Variants in SEMA5A observed in about 807,000 individuals in gnomAD.
The protein encoded by SEMA5A is semaphorin-5A.
In SEMA5A, 55 loss-of-function variants were observed where a neutral mutation model predicts 135.5. That is an observed-to-expected ratio of 0.41 (90% CI 0.33 to 0.51). SEMA5A has a LOEUF of 0.51. Among genes scored for constraint, SEMA5A ranks in the 20% least tolerant of loss-of-function variants. The pLI is 0.37. For synonymous variants in SEMA5A, 580 were observed against 546.5 expected (o/e 1.06, Z -0.85); for missense variants, 1,290 against 1,419.9 (o/e 0.91, Z 1.47).
intron 6 of SEMA5A, among the ~76,000 whole-genome samples, chr5:9,230,609 GGAGT>G (rs1249137215): frequency 6.6e-6 from 1 of 152,158 alleles, no homozygotes; most frequent in Non-Finnish European, 1.5e-5. Flanking sequence ...TTCGCAGAAC[GGAGT>G]GAGTGTGTGG....
chr5:9,276,466 T>G (rs544828625), intron 5 of SEMA5A, among the ~76,000 whole-genome samples: 588 of 152,194 alleles, frequency 3.9e-3, no homozygotes, highest in Admixed American at 6.2e-3. Flanking sequence ...CTACTTTAAA[T>G]TTCATATGGA....
chr5:9,285,339 T>A (rs1404180752), intron 5 of SEMA5A, among the ~76,000 whole-genome samples: 2 of 152,204 alleles, frequency 1.3e-5, no homozygotes, highest in African/African-American at 4.8e-5. Context: ...CCTTTCCTTC[T>A]TCTGGAGAAA....
chr5:9,341,189 A>AACACACACAC (rs973334085), intron 3 of SEMA5A, among the ~76,000 whole-genome samples: 1 of 148,722 alleles, frequency 6.7e-6, no homozygotes, highest in African/African-American at 2.5e-5. Flanking sequence ...CACACATACA[A>AACACACACAC]ACACACACAC....
chr5:9,379,853 T>C lies in SEMA5A; in HGVS notation c.94A>G (p.Arg32Gly). 3 of 1,614,024 alleles carry C rather than the reference T, an allele frequency of 1.9e-6. No individual in the cohort carries two copies. In the East Asian group the frequency reaches 6.7e-5, roughly 36 times the overall value. ...TAGGAGATGACTGGATGCTCGGTTC[T>C]CTGGCACTGAGTCGTACCCTGGGCC... ...PEAQGTTQCQ[R>G]TEHPVISYKE... is the part of the protein sequence containing the mutation. The change falls in exon 3 of 23, where the codon AGA (arginine) becomes GGA (glycine). Residue 32 changes from arginine to glycine, a missense_variant. Coordinates refer to ENST00000382496, the MANE Select transcript of SEMA5A (RefSeq NM_003966.3).
intron 1 of SEMA5A, among the ~76,000 whole-genome samples, chr5:9,523,982 A>G (rs1736979479): frequency 6.6e-6 from 1 of 152,204 alleles, no homozygotes; most frequent in African/African-American, 2.4e-5. Context: ...GTCCCCACCC[A>G]AATCTCATGT....
intron 12 of SEMA5A, among the ~76,000 whole-genome samples, chr5:9,139,950 C>T (rs947765847): frequency 4.7e-5 from 7 of 148,696 alleles, no homozygotes; most frequent in African/African-American, 1.7e-4. Flanking sequence ...TTTTTCTCCT[C>T]CTCATAAACA....
At chr5:9,478,203 G>T (rs57545544) in intron 1 of SEMA5A, among the ~76,000 whole-genome samples, 164 of 152,376 alleles carry the variant, frequency 1.1e-3, no homozygotes, top group African/African-American at 3.7e-3. Context: ...TATTTCAGAG[G>T]ATGTATGGAA....
chr5:9,337,154 T>A (rs943417960), intron 4 of SEMA5A, among the ~76,000 whole-genome samples: 1 of 152,136 alleles, frequency 6.6e-6, no homozygotes, highest in Non-Finnish European at 1.5e-5. Flanking sequence ...CCTTAAGAGA[T>A]AAAGATAAAA....
At chr5:9,301,071 T>C (rs1472686317) in intron 5 of SEMA5A, among the ~76,000 whole-genome samples, 2 of 152,316 alleles carry the variant, frequency 1.3e-5, no homozygotes, top group South Asian at 4.1e-4. Context: ...TTATATTCTC[T>C]CTAATGGCCA....
At chr5:9,332,536 G>A (rs150410051) in intron 4 of SEMA5A, among the ~76,000 whole-genome samples, 1 of 148,076 alleles carries the variant, frequency 6.8e-6, no homozygotes, top group Non-Finnish European at 1.5e-5. Context: ...ACTCACATTG[G>A]GTCAGGTGTG....
chr5:9,134,806 A>G (rs142250666), intron 13 of SEMA5A, among the ~76,000 whole-genome samples: 74 of 152,320 alleles, frequency 4.9e-4, no homozygotes, highest in African/African-American at 1.6e-3. Context: ...GTATGTCTGT[A>G]CTTTGGAACC....
At chr5:9,352,578 T>A (rs2150753354) in intron 3 of SEMA5A, among the ~76,000 whole-genome samples, 1 of 152,344 alleles carries the variant, frequency 6.6e-6, no homozygotes, top group Non-Finnish European at 1.5e-5. Flanking sequence ...CTAGTGATTG[T>A]GTTCGAGAAG....
chr5:9,367,936 C>A (rs1754985337), intron 3 of SEMA5A, among the ~76,000 whole-genome samples: 1 of 152,236 alleles, frequency 6.6e-6, no homozygotes, highest in South Asian at 2.1e-4. Context: ...ATACCCCCTT[C>A]TCCTTCTGCC....
At chr5:9,115,270 C>T (rs1053698159) in intron 15 of SEMA5A, among the ~76,000 whole-genome samples, 6 of 152,188 alleles carry the variant, frequency 3.9e-5, no homozygotes, top group African/African-American at 1.2e-4. Context: ...GCTACAAGCA[C>T]GTGCTCTCTT....
At chr5:9,154,303 G>A (rs538371179) in intron 12 of SEMA5A, among the ~76,000 whole-genome samples, 185 bp downstream of exon 12, 1 of 151,716 alleles carries the variant, frequency 6.6e-6, no homozygotes, top group South Asian at 2.1e-4. Context: ...GAGAACTGGT[G>A]GGTTATTCTC....
intron 1 of SEMA5A, among the ~76,000 whole-genome samples, chr5:9,500,447 C>T (rs905618762): frequency 1.3e-5 from 2 of 152,264 alleles, no homozygotes; most frequent in Middle Eastern, 3.4e-3. Context: ...TAGCTTTTGA[C>T]ATGTGCATTT....
chr5:9,387,269 A>C (rs879686175), intron 2 of SEMA5A, among the ~76,000 whole-genome samples: 61 of 152,192 alleles, frequency 4.0e-4, no homozygotes, highest in African/African-American at 1.4e-3. Flanking sequence ...TAAGGCATGA[A>C]AACGGGCAGT....
chr5:9,245,170 AT>A (rs1469535125), intron 5 of SEMA5A, among the ~76,000 whole-genome samples: 1 of 152,136 alleles, frequency 6.6e-6, no homozygotes, highest in Non-Finnish European at 1.5e-5. Flanking sequence ...GCATGGTGAA[AT>A]CTCAAGCCAC....
chr5:9,060,433 G>A (rs1737122096), intron 18 of SEMA5A, among the ~76,000 whole-genome samples: 1 of 152,168 alleles, frequency 6.6e-6, no homozygotes, highest in African/African-American at 2.4e-5. Context: ...AGCCCAGGGA[G>A]ACAAGGGTGG....
Sources: allele counts gnomAD v4.1 joint callset (sites outside exome capture counted in the v4.1 genomes callset), GRCh38; gene constraint gnomAD v4.1.1; transcripts MANE v1.5; gene names NCBI Gene and HGNC (gene_info 2026-07-23, HGNC 2026-07-21).